The following DCAF4 variants were observed in gnomAD, a reference collection of about 807,000 sequenced individuals.
The protein encoded by DCAF4 is DDB1- and CUL4-associated factor 4.
A neutral mutation model predicts 60.9 loss-of-function variants in DCAF4; 37 were observed. The observed-to-expected ratio is 0.61, with a 90% CI of 0.47 to 0.80. The LOEUF (loss-of-function observed/expected upper bound fraction) is 0.80, where lower values mean the gene tolerates loss of function less well. Ranked by LOEUF, DCAF4 falls within the 30% of genes least tolerant of loss-of-function variation. The probability of loss-of-function intolerance (pLI) is 0.00; values close to 1 mark genes in which losing one functional copy is unlikely to be tolerated. For missense variants in DCAF4, 577 were observed against 650.0 expected (o/e 0.89, Z 1.22); for synonymous variants, 243 against 254.8 (o/e 0.95, Z 0.44).
intron 6 of DCAF4, among the ~76,000 whole-genome samples, chr14:72,943,934 T>G (rs558439651): frequency 8.3e-4 from 127 of 152,298 alleles, no homozygotes; most frequent in African/African-American, 2.9e-3. Context: ...GGCCCTTCCA[T>G]GTAAGGGGTG....
In DCAF4 at chr14:72,928,585, T is replaced by TTATATATATATATA. The variant is rs57258334; in HGVS notation, c.-9+2061_-9+2074dup. On this transcript the variant is annotated intron_variant, in intron 1 of 13. Transcript: ENST00000358377. ...TACAGCATGGTGTAGTAAACATCCTTTATATATATATATATATATATATAT... is the reference window on the plus strand; with the variant it reads ...TACAGCATGGTGTAGTAAACATCCTTTATATATATATATATATATATATATATATATATATATAT... 2.1e-3 allele frequency among the ~76,000 whole-genome samples: 33 copies of TTATATATATATATA among 15,914 alleles called. 2 individuals carry two copies. The highest frequency in any genetic ancestry group is 0.056 in the Middle Eastern group (2 of 36). The allele number at this position is 15,914 out of a possible 152,430, so 10.4% of individuals were successfully genotyped here. A position where few individuals can be genotyped will look rare whatever the true frequency, so the allele number is the denominator to read the frequency against.
chr14:72,929,511 G>T, intron 1 of DCAF4: 3 of 692,768 alleles, frequency 4.3e-6, no homozygotes, highest in South Asian at 1.7e-5. Flanking sequence ...AGCCTGGGCG[G>T]CAACAAAGCG....
intron 1 of DCAF4, among the ~76,000 whole-genome samples, chr14:72,927,907 A>C (rs975750075): frequency 6.6e-6 from 1 of 152,106 alleles, no homozygotes; most frequent in Non-Finnish European, 1.5e-5. Context: ...TTTTACAGTG[A>C]ACAACTCCTA....
intron 4 of DCAF4, 22 bp from the exon 5 acceptor site, chr14:72,941,723 C>T (rs1427285892): frequency 6.2e-7 from 1 of 1,604,214 alleles, no homozygotes; most frequent in Non-Finnish European, 8.5e-7. Context: ...TTGAATTGTT[C>T]TCTTTTTTGT....
Position 72,939,916 on chromosome 14 carries a change from C to T in DCAF4, c.193+14C>T, listed in dbSNP as rs199575423. 3.8e-5 allele frequency: 60 copies of T among 1,588,254 alleles called. No homozygotes were observed. The highest frequency in any genetic ancestry group is 3.2e-4 in the South Asian group (28 of 87,324). On this transcript the variant is annotated intron_variant, in intron 3 of 13. Transcript: ENST00000358377. The stretch of plus-strand genomic sequence containing the variant: ...CCTCTGTGCCAGGTAAGGCCACTTG[C>T]GGGGTGGGAATCCTGGCCCTTGCAC...
chr14:72,928,127 A>G (rs1887883473), intron 1 of DCAF4, among the ~76,000 whole-genome samples: 1 of 144,034 alleles, frequency 6.9e-6, no homozygotes, highest in African/African-American at 2.6e-5. Context: ...ATTCAGCTTT[A>G]CAGACCAGTG....
Position 72,958,902 on chromosome 14 carries a change from A to C in DCAF4, c.*97A>C, listed in dbSNP as rs192189103. ...AATGAGGGTGTTTTAAGTGACACTC[A>C]GTGTACACAGATCCCATCCTCTGGC... is the stretch of plus-strand genomic sequence containing the variant. On this transcript the variant is annotated 3_prime_UTR_variant, in exon 14 of 14. Transcript: ENST00000358377. 1.1e-4 allele frequency: 160 copies of C among 1,476,542 alleles called. No homozygotes were observed. Among genetic ancestry groups the C allele is most frequent in the Admixed American group, 1.7e-4 (7 of 40,138 alleles). 91.5% of individuals were successfully genotyped at this position (1,476,542 alleles called of 1,614,324 possible).
chr14:72,947,613 A>G (rs2806043), intron 8 of DCAF4, among the ~76,000 whole-genome samples: 115,226 of 151,782 alleles, frequency 0.76, 44,264 homozygotes, highest in Admixed American at 0.84. Context: ...GGAACAAGGC[A>G]GAAAGGAGCA....
At chr14:72,927,525 G>A (rs1335161387) in intron 1 of DCAF4, among the ~76,000 whole-genome samples, 36 of 151,600 alleles carry the variant, frequency 2.4e-4, no homozygotes, top group Non-Finnish European at 7.4e-5. Context: ...CTAATTTTTT[G>A]TATTTTTAGT....
chr14:72,944,747 G>T (rs981391623), intron 6 of DCAF4, among the ~76,000 whole-genome samples: 1 of 152,012 alleles, frequency 6.6e-6, no homozygotes, highest in Non-Finnish European at 1.5e-5. Flanking sequence ...AGCCATGATT[G>T]TGCCACCACA....
chr14:72,934,582 G>A (rs1012156896), intron 1 of DCAF4, among the ~76,000 whole-genome samples: 4 of 152,064 alleles, frequency 2.6e-5, no homozygotes, highest in African/African-American at 7.2e-5. Flanking sequence ...GAACCACCAC[G>A]CCGGGCTTGC....
In DCAF4 at chr14:72,942,980, C is replaced by A. The variant is rs759292437; in HGVS notation, c.432-14C>A. ...CAGCTTCAGCATCCATGCCCCCACC[C>A]TCTGTTTCTGCAGTTTAGCCCACGA... On this transcript the variant is annotated splice_polypyrimidine_tract_variant and intron_variant, in intron 5 of 13. Coordinates refer to ENST00000358377, the MANE Select transcript of DCAF4 (RefSeq NM_015604.4). 3 of 1,613,426 alleles carry A rather than the reference C, an allele frequency of 1.9e-6. No homozygotes were observed. Among genetic ancestry groups the A allele is most frequent in the African/African-American group, 2.7e-5 (2 of 74,932 alleles).
intron 1 of DCAF4, among the ~76,000 whole-genome samples, chr14:72,930,246 C>CTTTT (rs57515626): frequency 6.8e-6 from 1 of 147,480 alleles, no homozygotes; most frequent in Non-Finnish European, 1.5e-5. Flanking sequence ...GTAGCTTTTT[C>CTTTT]TTTTTTTTTT....
intron 9 of DCAF4, among the ~76,000 whole-genome samples, chr14:72,953,516 C>A (rs1181589992): frequency 6.6e-6 from 1 of 150,996 alleles, no homozygotes; most frequent in Non-Finnish European, 1.5e-5. Flanking sequence ...TCAAGACCAG[C>A]CTGAGCAACA....
chr14:72,943,345 G>A (rs1890304398), intron 6 of DCAF4, among the ~76,000 whole-genome samples: 1 of 152,160 alleles, frequency 6.6e-6, no homozygotes, highest in African/African-American at 2.4e-5. Context: ...GTCAGAGTCT[G>A]GACCCAGCCA....
In DCAF4 at chr14:72,947,305, T is replaced by C. The variant is rs576582558; in HGVS notation, c.728+114T>C. ...TAGTGACCAGAGGACTAGACCCTTG[T>C]GCACTTACATCTCACGCTTTAGAAA... On this transcript the variant is annotated intron_variant, in intron 8 of 13. Coordinates refer to ENST00000358377, the MANE Select transcript of DCAF4 (RefSeq NM_015604.4). The C allele has an allele frequency of 1.1e-3, 1,344 of 1,194,816 alleles. 1 individual carries two copies. Among genetic ancestry groups the C allele is most frequent in the Admixed American group, 2.0e-3 (116 of 58,776 alleles). 74.0% of individuals were successfully genotyped at this position (1,194,816 alleles called of 1,614,324 possible). A position where few individuals can be genotyped will look rare whatever the true frequency, so the allele number is the denominator to read the frequency against.
intron 11 of DCAF4, among the ~76,000 whole-genome samples, 161 bp downstream of exon 11, chr14:72,954,644 A>T (rs1261779208): frequency 6.6e-6 from 1 of 152,180 alleles, no homozygotes. Context: ...GTCTGAGCCG[A>T]GTGAAAGTTG....
intron 8 of DCAF4, among the ~76,000 whole-genome samples, chr14:72,949,654 T>C (rs1203802886): frequency 6.6e-6 from 1 of 151,648 alleles, no homozygotes; most frequent in Non-Finnish European, 1.5e-5. Context: ...ATTCGGGAAG[T>C]TGAGGCAGGT....
intron 1 of DCAF4, among the ~76,000 whole-genome samples, chr14:72,931,762 T>G (rs1183309148): frequency 6.6e-6 from 1 of 152,144 alleles, no homozygotes; most frequent in Non-Finnish European, 1.5e-5. Context: ...GTCCAGTGCT[T>G]TTTCTGTGTA....
Sources: allele counts gnomAD v4.1 joint callset (sites outside exome capture counted in the v4.1 genomes callset), GRCh38; gene constraint gnomAD v4.1.1; transcripts MANE v1.5; gene names NCBI Gene and HGNC (gene_info 2026-07-23, HGNC 2026-07-21).